Variants in STRBP observed in about 807,000 individuals in gnomAD.
STRBP encodes the protein spermatid perinuclear RNA binding protein, also known as spermatid perinuclear RNA-binding protein.
STRBP carries 13 observed loss-of-function variants against 80.1 expected under a neutral mutation model. That is an observed-to-expected ratio of 0.16 (90% CI 0.11 to 0.26). The LOEUF (loss-of-function observed/expected upper bound fraction) is 0.26. STRBP is among the 10% of genes least tolerant of loss of function. The pLI is 1.00. For missense variants in STRBP, 485 were observed against 815.2 expected (o/e 0.59, Z 4.93); for synonymous variants, 284 against 291.2 (o/e 0.98, Z 0.25).
At chr9:123,118,665 G>C (rs778817393), downstream of STRBP, among the ~76,000 whole-genome samples, 19 of 152,332 alleles carry the variant, frequency 1.2e-4, no homozygotes, top group Middle Eastern at 6.8e-3. Flanking sequence ...TTAGATTTAA[G>C]AAAAACCTCC....
At chr9:123,132,091 CAG>C (rs1185510487) in intron 17 of STRBP, among the ~76,000 whole-genome samples, 1 of 152,150 alleles carries the variant, frequency 6.6e-6, no homozygotes, top group Non-Finnish European at 1.5e-5. Flanking sequence ...GAAGGGAAGG[CAG>C]AGAGAGGGCA....
intron 2 of STRBP, among the ~76,000 whole-genome samples, chr9:123,225,810 A>T (rs1430020432): frequency 6.6e-6 from 1 of 152,152 alleles, no homozygotes; most frequent in Non-Finnish European, 1.5e-5. Context: ...CCCAGACTCA[A>T]TTTCTGTTGC....
chr9:123,226,292 G>A (rs139027806), intron 2 of STRBP, among the ~76,000 whole-genome samples: 48 of 152,144 alleles, frequency 3.2e-4, no homozygotes, highest in South Asian at 1.2e-3. Flanking sequence ...TCTTGATGGT[G>A]GTTACATGAC....
chr9:123,184,078 T>G, intron 3 of STRBP, 54 bp downstream of exon 3: 1 of 1,564,272 alleles, frequency 6.4e-7, no homozygotes, highest in South Asian at 1.1e-5. Flanking sequence ...TTTCTAATTT[T>G]AAATTACTGG....
At chr9:123,131,270 TCCTAAGAAC>T (rs2036126005) in intron 17 of STRBP, among the ~76,000 whole-genome samples, 1 of 152,188 alleles carries the variant, frequency 6.6e-6, no homozygotes, top group Non-Finnish European at 1.5e-5. Context: ...GTCACTATTC[TCCTAAGAAC>T]CCATCAAGAC....
chr9:123,229,480 A>T (rs538483647), intron 2 of STRBP, among the ~76,000 whole-genome samples: 6 of 152,372 alleles, frequency 3.9e-5, no homozygotes, highest in African/African-American at 1.4e-4. Context: ...AGTGGGATCA[A>T]GTATTTTTAA....
chr9:123,205,706 C>A (rs2039490174), intron 2 of STRBP, among the ~76,000 whole-genome samples: 1 of 152,090 alleles, frequency 6.6e-6, no homozygotes, highest in South Asian at 2.1e-4. Flanking sequence ...TACATTAGAT[C>A]CTTCAGTAAT....
chr9:123,191,323 A>C (rs1484708239), intron 2 of STRBP, among the ~76,000 whole-genome samples: 1 of 152,138 alleles, frequency 6.6e-6, no homozygotes, highest in Non-Finnish European at 1.5e-5. Context: ...CAGGGGAGTT[A>C]AAGCAGTGGT....
At chr9:123,125,750 GAC>G in intron 18 of STRBP, 77 bp from the exon 19 acceptor site, 1 of 1,176,550 alleles carries the variant, frequency 8.5e-7, no homozygotes, top group Non-Finnish European at 1.2e-6. Flanking sequence ...AAAAATATCT[GAC>G]AGTAATTATC....
chr9:123,225,298 T>C lies in STRBP; in HGVS notation c.-165+11532A>G, dbSNP rs1001915192. 2.0e-5 allele frequency among the ~76,000 whole-genome samples: 3 copies of C among 152,338 alleles called. No individual in the cohort carries two copies. In the East Asian group the frequency reaches 5.8e-4, roughly 29 times the overall value. On this transcript the variant is annotated intron_variant, in intron 2 of 18. Transcript: ENST00000348403. ...CACTTATGATTTATGTAGTTTGTTTTACACTTTAACAAAAATTTTACTTAC... is the reference window on the plus strand; with the variant it reads ...CACTTATGATTTATGTAGTTTGTTTCACACTTTAACAAAAATTTTACTTAC...
chr9:123,165,767 C>T (rs1360618542), intron 6 of STRBP, among the ~76,000 whole-genome samples: 5 of 151,994 alleles, frequency 3.3e-5, no homozygotes, highest in Admixed American at 3.3e-4. Context: ...GCATACTAGA[C>T]GTAGAGTCAG....
chr9:123,258,749 C>T (rs953761455), intron 1 of STRBP, among the ~76,000 whole-genome samples: 5 of 147,256 alleles, frequency 3.4e-5, no homozygotes, highest in Non-Finnish European at 7.4e-5. Context: ...TGCAGTGAGC[C>T]AAGATCGGGC....
At chr9:123,230,672 G>A (rs2040371610) in intron 2 of STRBP, among the ~76,000 whole-genome samples, 1 of 152,130 alleles carries the variant, frequency 6.6e-6, no homozygotes, top group Non-Finnish European at 1.5e-5. Flanking sequence ...GACACTGTAG[G>A]TGATGAGGCA....
Position 123,110,445 on chromosome 9 carries a change from C to G in STRBP, c.*85-692G>C, listed in dbSNP as rs2035546796. The G allele has an allele frequency of 1.2e-5, 2 of 169,208 alleles. No homozygotes were observed. Among genetic ancestry groups the G allele is most frequent in the Admixed American group, 1.3e-4 (2 of 15,302 alleles). 10.5% of individuals were successfully genotyped at this position (169,208 alleles called of 1,614,324 possible). Reference sequence around the variant, plus strand: ...AGGAAACCTTCTTTTGAAGAAGTGGCTGGGACCAACCAACCACTTAGACCA... The same window carrying G: ...AGGAAACCTTCTTTTGAAGAAGTGGGTGGGACCAACCAACCACTTAGACCA... On this transcript the variant is annotated intron_variant and NMD_transcript_variant, in intron 3 of 3. Coordinates refer to the STRBP transcript ENST00000471564. This position sits in a 1 kb window ranked among gnomAD's most constrained non-coding sequence, Gnocchi z 4.1.
At chr9:123,111,952 TA>T in intron 3 of STRBP, 1 of 183,520 alleles carries the variant, frequency 5.4e-6, no homozygotes, top group Non-Finnish European at 1.3e-5. Context: ...CTGACCTGAT[TA>T]TCAGAGATTA....
In STRBP at chr9:123,125,620, C is replaced by G; in HGVS notation, c.1996G>C (p.Val666Leu). 1 of 1,613,440 alleles carries G rather than the reference C, an allele frequency of 6.2e-7. No homozygotes were observed. Among genetic ancestry groups the G allele is most frequent in the Non-Finnish European group, 8.5e-7 (1 of 1,179,744 alleles). ...TGCTAAAAGAATGAGTAGTGGGGAACAGGATATGTTGGAAATTTCATAACG... is the reference window on the plus strand; with the variant it reads ...TGCTAAAAGAATGAGTAGTGGGGAAGAGGATATGTTGGAAATTTCATAACG... Reference protein sequence around the residue: ...LPVMKFPTYPVPHYSFF With the variant: ...LPVMKFPTYPLPHYSFF Residue 666 changes from valine (V) to leucine (L), a missense_variant, in exon 19 of 19, where the codon GTT becomes CTT. Physicochemically the swap from Val to Leu is conservative, Grantham distance 32. This residue lies in a region of STRBP where 85 missense variants were observed against 120.1 expected (regional missense o/e 0.71). Transcript: ENST00000348403.
At chr9:123,155,805 A>G (rs2037258453) in intron 11 of STRBP, among the ~76,000 whole-genome samples, 1 of 152,202 alleles carries the variant, frequency 6.6e-6, no homozygotes, top group Non-Finnish European at 1.5e-5. Context: ...CTGAGACATT[A>G]GTGTTGAAAA....
At chr9:123,213,875 T>A (rs1455476502) in intron 2 of STRBP, 1 of 150,438 alleles carries the variant, frequency 6.6e-6, no homozygotes, top group Non-Finnish European at 1.5e-5. Flanking sequence ...TGAGCCGAGA[T>A]TGCGCCACTG....
intron 2 of STRBP, among the ~76,000 whole-genome samples, chr9:123,227,717 C>A (rs2040283901): frequency 2.0e-5 from 3 of 151,342 alleles, no homozygotes; most frequent in African/African-American, 7.3e-5. Context: ...AGGTATGCAC[C>A]CCACACCTGG....
Sources: allele counts gnomAD v4.1 joint callset (sites outside exome capture counted in the v4.1 genomes callset), GRCh38; gene constraint gnomAD v4.1.1; regional missense constraint gnomAD v4.1.1; non-coding constraint Gnocchi (gnomAD v3.1); transcripts MANE v1.5; gene names NCBI Gene and HGNC (gene_info 2026-07-23, HGNC 2026-07-21).